SPAG16: variants seen among roughly 807,000 people sequenced by gnomAD.
SPAG16 encodes the protein sperm-associated antigen 16 protein.
Under a neutral mutation model 80.4 loss-of-function variants are expected in SPAG16, and 86 were observed. The observed-to-expected ratio is 1.07, with a 90% CI of 0.90 to 1.28. The LOEUF is 1.28. Among genes scored for constraint, SPAG16 ranks in the 50% most tolerant of loss-of-function variants. SPAG16 has a pLI of 0.00. For missense variants in SPAG16, 870 were observed against 765.3 expected, an observed-to-expected ratio of 1.14 and a Z score of -1.61; for synonymous variants, 294 against 265.9, an observed-to-expected ratio of 1.11 and a Z score of -1.03.
At chr2:213,537,592 A>G (rs1575883524) in intron 10 of SPAG16, among the ~76,000 whole-genome samples, 2 of 152,110 alleles carry the variant, frequency 1.3e-5, no homozygotes, top group East Asian at 3.9e-4. Flanking sequence ...TGCCAAGCAT[A>G]TACATCTTCT....
chr2:213,930,176 CT>C (rs776755221), intron 12 of SPAG16, 31 bp downstream of exon 12: 1 of 1,567,742 alleles, frequency 6.4e-7, no homozygotes, highest in African/African-American at 1.4e-5. Context: ...TACTAATCCT[CT>C]GTGCTGATAC....
At chr2:213,628,987 C>A (rs2062051879) in intron 10 of SPAG16, among the ~76,000 whole-genome samples, 1 of 151,860 alleles carries the variant, frequency 6.6e-6, no homozygotes, top group Non-Finnish European at 1.5e-5. Context: ...AGAAAAAGAG[C>A]AAAAGAAAAA....
rs776470122 is a variant in SPAG16, at chr2:213,862,507, G to A, written c.1093G>A (p.Asp365Asn). ...CAGTGTCTCCATGCAACCCCACAAAGACATCCTAGTCTCCTGTGGCGAGGA... is the reference window on the plus strand; with the variant it reads ...CAGTGTCTCCATGCAACCCCACAAAAACATCCTAGTCTCCTGTGGCGAGGA... The part of the protein sequence containing the change: ...VSCVSMQPHK[D>N]ILVSCGEDRL... Residue 365 changes from aspartate (D) to asparagine (N), a missense_variant, in exon 11 of 16, where the codon GAC (aspartate) becomes AAC (asparagine). Physicochemically the swap from Asp to Asn is conservative, Grantham distance 23. Transcript: ENST00000331683. The A allele has an allele frequency of 3.7e-6, 6 of 1,614,010 alleles. No individual in the cohort carries two copies. The South Asian group carries it at 6.6e-5, about 18-fold the overall frequency.
At chr2:214,121,592 A>G (rs1032390367) in intron 14 of SPAG16, among the ~76,000 whole-genome samples, 2 of 151,868 alleles carry the variant, frequency 1.3e-5, no homozygotes, top group African/African-American at 2.4e-5. Flanking sequence ...TGTGTTTTAA[A>G]TAGTGCTTAG....
At chr2:213,863,575 C>T (rs2075568970) in intron 11 of SPAG16, among the ~76,000 whole-genome samples, 1 of 151,592 alleles carries the variant, frequency 6.6e-6, no homozygotes, top group South Asian at 2.1e-4. Flanking sequence ...GATGTTTGAC[C>T]CTACTTTATG....
At chr2:214,039,422 A>G (rs1332889215) in intron 13 of SPAG16, among the ~76,000 whole-genome samples, 2 of 152,212 alleles carry the variant, frequency 1.3e-5, no homozygotes, top group Non-Finnish European at 2.9e-5. Flanking sequence ...ACCAAAAGCA[A>G]TGGCAACAAA....
chr2:213,913,382 T>C (rs1011510524), intron 11 of SPAG16, among the ~76,000 whole-genome samples: 4 of 152,062 alleles, frequency 2.6e-5, no homozygotes, highest in African/African-American at 9.7e-5. Flanking sequence ...TTGAAGCACA[T>C]GTGTAAACGT....
At chr2:214,288,483 G>T (rs978132204) in intron 15 of SPAG16, among the ~76,000 whole-genome samples, 1 of 151,888 alleles carries the variant, frequency 6.6e-6, no homozygotes. Flanking sequence ...TATTATTTTT[G>T]ATTTTTTGAG....
At chr2:213,738,540 T>C (rs2067397844) in intron 10 of SPAG16, among the ~76,000 whole-genome samples, 1 of 152,192 alleles carries the variant, frequency 6.6e-6, no homozygotes. Flanking sequence ...AGTACCACTA[T>C]AAAATTTTAA....
intron 10 of SPAG16, among the ~76,000 whole-genome samples, chr2:213,844,184 G>A (rs762434678): frequency 1.1e-4 from 16 of 152,182 alleles, no homozygotes; most frequent in Non-Finnish European, 1.5e-4. Flanking sequence ...GACATTTCCA[G>A]TAACTTAGCA....
At chr2:213,413,576 A>G (rs973096245) in intron 9 of SPAG16, among the ~76,000 whole-genome samples, 3 of 152,114 alleles carry the variant, frequency 2.0e-5, no homozygotes, top group Admixed American at 6.5e-5. Flanking sequence ...TTATTCAAAT[A>G]TTATTTATAT....
chr2:213,853,411 C>CATGTGGTCTATTATAAGAA (rs2075004435), intron 10 of SPAG16, among the ~76,000 whole-genome samples: 1 of 152,136 alleles, frequency 6.6e-6, no homozygotes, highest in Non-Finnish European at 1.5e-5. Context: ...AAGTATATAT[C>CATGTGGTCTATTATAAGAA]ATGTGGTCTA....
chr2:214,190,658 C>T (rs567087158), intron 15 of SPAG16, among the ~76,000 whole-genome samples: 10 of 152,118 alleles, frequency 6.6e-5, no homozygotes, highest in East Asian at 1.9e-4. Flanking sequence ...TTCAGATGTG[C>T]GGCCTTAGGT....
At chr2:213,707,955 T>G (rs6758514) in intron 10 of SPAG16, among the ~76,000 whole-genome samples, 10,117 of 152,152 alleles carry the variant, frequency 0.066, 1,047 homozygotes, top group African/African-American at 0.22. Context: ...AATGAAAATG[T>G]TTTTATCTTT....
At chr2:214,036,263 A>G (rs2125070217) in intron 13 of SPAG16, among the ~76,000 whole-genome samples, 1 of 152,276 alleles carries the variant, frequency 6.6e-6, no homozygotes, top group East Asian at 1.9e-4. Flanking sequence ...TTTGACATGG[A>G]CCATAATTCT....
At chr2:213,337,919 A>C (rs1273259741) in intron 5 of SPAG16, among the ~76,000 whole-genome samples, 1 of 152,118 alleles carries the variant, frequency 6.6e-6, no homozygotes, top group East Asian at 1.9e-4. Context: ...ACACATAATC[A>C]TCAGATTCTC....
chr2:213,811,529 T>A (rs1223079440), intron 10 of SPAG16, among the ~76,000 whole-genome samples: 1 of 152,186 alleles, frequency 6.6e-6, no homozygotes, highest in Non-Finnish European at 1.5e-5. Flanking sequence ...AGCTTCTCTC[T>A]TCTTTTGTTT....
At chr2:214,138,349 A>G (rs187611127) in intron 14 of SPAG16, among the ~76,000 whole-genome samples, 1 of 152,116 alleles carries the variant, frequency 6.6e-6, no homozygotes, top group Non-Finnish European at 1.5e-5. Flanking sequence ...GCCTATTTCA[A>G]GGCTAAGTCC....
At chr2:213,944,507 G>A (rs2079356262) in intron 12 of SPAG16, among the ~76,000 whole-genome samples, 1 of 152,188 alleles carries the variant, frequency 6.6e-6, no homozygotes, top group East Asian at 1.9e-4. Context: ...TTCACAGGGA[G>A]AGAGGAATTT....
Sources: gnomAD v4.1 joint callset for allele counts (sites outside exome capture counted in the v4.1 genomes callset) on GRCh38, gnomAD v4.1.1 for gene constraint, MANE v1.5 for transcripts, NCBI Gene and HGNC (gene_info 2026-07-23, HGNC 2026-07-21) for gene names.